Variants in TANC1 observed in about 807,000 individuals in gnomAD.
TANC1 encodes the protein tetratricopeptide repeat, ankyrin repeat and coiled-coil containing 1.
In TANC1, 77 loss-of-function variants were observed where a neutral mutation model predicts 149.7. The ratio of observed to expected loss-of-function variants is 0.51; its 90% confidence interval spans 0.43 to 0.62. The LOEUF (loss-of-function observed/expected upper bound fraction) is 0.62. Ranked by LOEUF, TANC1 falls within the 20% of genes least tolerant of loss-of-function variation. TANC1 has a pLI of 0.00. For synonymous variants in TANC1, 854 were observed against 925.0 expected (o/e 0.92, Z 1.39); for missense variants, 1,985 against 2,321.8 (o/e 0.85, Z 2.98).
chr2:159,042,665 G>A (rs75847108), intron 2 of TANC1, among the ~76,000 whole-genome samples: 4,684 of 152,002 alleles, frequency 0.031, 138 homozygotes, highest in African/African-American at 0.073. Context: ...GCAAGATTCC[G>A]TGGGGGGTGG....
intron 2 of TANC1, among the ~76,000 whole-genome samples, chr2:159,020,268 C>A (rs1056161673): frequency 2.0e-5 from 3 of 152,098 alleles, no homozygotes; most frequent in African/African-American, 7.2e-5. Flanking sequence ...CACATGCCAC[C>A]ACACCCAGCC....
At chr2:159,219,979 T>TGA in intron 22 of TANC1, 112 bp downstream of exon 22, 1 of 172,472 alleles carries the variant, frequency 5.8e-6, no homozygotes, top group Admixed American at 5.9e-5. Context: ...CATCAGAGAG[T>TGA]GTGTGTGTGT....
chr2:159,034,712 C>T (rs767720371), intron 2 of TANC1, among the ~76,000 whole-genome samples: 1 of 152,184 alleles, frequency 6.6e-6, no homozygotes, highest in Non-Finnish European at 1.5e-5. Flanking sequence ...TGAAGTTCTC[C>T]TCCTCCCATC....
chr2:159,219,984 G>T (rs1178447874), intron 22 of TANC1, 117 bp downstream of exon 22: 2 of 526,216 alleles, frequency 3.8e-6, no homozygotes, highest in Non-Finnish European at 6.0e-6. Context: ...GAGAGTGTGT[G>T]TGTGTGTGTG....
chr2:159,039,860 A>G (rs1454929471), intron 2 of TANC1, among the ~76,000 whole-genome samples: 3 of 152,180 alleles, frequency 2.0e-5, no homozygotes, highest in African/African-American at 4.8e-5. Flanking sequence ...GTAGATGTCT[A>G]TTAGGTCCAC....
chr2:159,062,239 A>C (rs545056794), intron 2 of TANC1, among the ~76,000 whole-genome samples: 1 of 151,542 alleles, frequency 6.6e-6, no homozygotes, highest in East Asian at 1.9e-4. Flanking sequence ...CTCCTTCTCA[A>C]AACAAACAAA....
chr2:159,097,287 G>C (rs1226484301), intron 3 of TANC1, among the ~76,000 whole-genome samples: 1 of 152,210 alleles, frequency 6.6e-6, no homozygotes, highest in Non-Finnish European at 1.5e-5. Flanking sequence ...TGTAAGGCTA[G>C]TAAGCCCTCT....
At chr2:159,225,495 A>G in intron 23 of TANC1, 193 bp from the exon 24 acceptor site, 1 of 602,432 alleles carries the variant, frequency 1.7e-6, no homozygotes, top group Non-Finnish European at 3.0e-6. Context: ...TAACAAGGAC[A>G]GATTTGAGTG....
chr2:159,045,767 G>A (rs1383468743), intron 2 of TANC1, among the ~76,000 whole-genome samples: 1 of 152,156 alleles, frequency 6.6e-6, no homozygotes, highest in Non-Finnish European at 1.5e-5. Flanking sequence ...AGTTGACACT[G>A]CCAACCCAAA....
chr2:159,122,339 A>G lies in TANC1; in HGVS notation c.260-13855A>G, dbSNP rs191186253. Reference sequence around the variant, plus strand: ...AGCTGTTGCTCTCTATACATGGGTCAGAGATGTTTACCCAGGATTTGAGAC... The same window carrying G: ...AGCTGTTGCTCTCTATACATGGGTCGGAGATGTTTACCCAGGATTTGAGAC... On this transcript the variant is annotated intron_variant, in intron 4 of 26. Transcript: ENST00000263635. Among the ~76,000 whole-genome samples, 428 of 152,326 alleles carry G rather than the reference A, an allele frequency of 2.8e-3. 1 individual carries two copies. Among genetic ancestry groups the G allele is most frequent in the African/African-American group, 9.9e-3 (411 of 41,566 alleles).
intron 1 of TANC1, among the ~76,000 whole-genome samples, chr2:158,990,177 C>T (rs1395478777): frequency 6.6e-6 from 1 of 152,118 alleles, no homozygotes; most frequent in African/African-American, 2.4e-5. Flanking sequence ...ACCTCGTGAT[C>T]TGCCCGCCTC....
At chr2:159,229,134 C>G (rs943356694) in intron 26 of TANC1, among the ~76,000 whole-genome samples, 3 of 152,128 alleles carry the variant, frequency 2.0e-5, no homozygotes, top group South Asian at 2.1e-4. Flanking sequence ...CCCCTCCCCC[C>G]ACGTGAAACT....
At chr2:159,038,712 T>A (rs1275831427) in intron 2 of TANC1, among the ~76,000 whole-genome samples, 3 of 152,192 alleles carry the variant, frequency 2.0e-5, no homozygotes, top group Non-Finnish European at 4.4e-5. Flanking sequence ...CACTTGATCT[T>A]GGTGGATAAG....
At chr2:159,063,993 G>T (rs150098012) in intron 2 of TANC1, among the ~76,000 whole-genome samples, 26 of 152,242 alleles carry the variant, frequency 1.7e-4, no homozygotes, top group African/African-American at 6.0e-4. Flanking sequence ...ACCAAGGCTT[G>T]GTGCAAGGGA....
intron 17 of TANC1, among the ~76,000 whole-genome samples, chr2:159,194,724 G>C (rs2057723566): frequency 6.6e-6 from 1 of 152,228 alleles, no homozygotes; most frequent in Admixed American, 6.5e-5. Flanking sequence ...GAATTCCAGG[G>C]AGACCCTGGC....
chr2:159,204,605 C>T (rs1575240945), intron 19 of TANC1, among the ~76,000 whole-genome samples: 1 of 152,096 alleles, frequency 6.6e-6, no homozygotes, highest in Admixed American at 6.6e-5. Flanking sequence ...GAAAGAAGGT[C>T]GCCAGCACAC....
At chr2:159,019,474 G>A (rs1160410905) in intron 2 of TANC1, among the ~76,000 whole-genome samples, 1 of 151,910 alleles carries the variant, frequency 6.6e-6, no homozygotes, top group Non-Finnish European at 1.5e-5. Flanking sequence ...AAAGCATATG[G>A]GCCACACAAT....
intron 20 of TANC1, among the ~76,000 whole-genome samples, chr2:159,218,483 T>C (rs2059486662): frequency 6.6e-6 from 1 of 152,208 alleles, no homozygotes; most frequent in Non-Finnish European, 1.5e-5. Context: ...GGAAAGCATT[T>C]GTTAGTGGAT....
intron 8 of TANC1, among the ~76,000 whole-genome samples, chr2:159,165,157 TA>T (rs2054458140): frequency 6.6e-6 from 1 of 152,260 alleles, no homozygotes; most frequent in Non-Finnish European, 1.5e-5. Flanking sequence ...TTAACAGTGT[TA>T]AAAGCATCCC....
Sources: allele counts gnomAD v4.1 joint callset (sites outside exome capture counted in the v4.1 genomes callset), GRCh38; gene constraint gnomAD v4.1.1; transcripts MANE v1.5; gene names NCBI Gene and HGNC (gene_info 2026-07-23, HGNC 2026-07-21).